Variants in OSBPL10 observed in about 807,000 individuals in gnomAD.
OSBPL10 encodes oxysterol binding protein like 10.
In OSBPL10, 49 loss-of-function variants were observed where a neutral mutation model predicts 81.7. The ratio of observed to expected loss-of-function variants is 0.60; its 90% CI spans 0.48 to 0.76. The LOEUF is 0.76. OSBPL10 is among the 30% of genes least tolerant of loss of function. The pLI is 0.00. For synonymous variants in OSBPL10, 419 were observed against 383.6 expected, an observed-to-expected ratio of 1.09 and a Z score of -1.08; for missense variants, 923 against 987.8, an observed-to-expected ratio of 0.93 and a Z score of 0.88.
intron 4 of OSBPL10, among the ~76,000 whole-genome samples, chr3:31,802,577 T>C (rs1031836838): frequency 3.6e-5 from 5 of 140,112 alleles, no homozygotes; most frequent in African/African-American, 1.3e-4. Flanking sequence ...AAAAAGAGAA[T>C]TCTCTGGATT....
chr3:31,740,539 C>A (rs1358040443), intron 5 of OSBPL10, among the ~76,000 whole-genome samples: 1 of 151,206 alleles, frequency 6.6e-6, no homozygotes, highest in African/African-American at 2.5e-5. Context: ...GCCCTGTCTT[C>A]ATCATTAAAG....
At chr3:31,711,765 TTGAC>T (rs1696260521) in intron 6 of OSBPL10, among the ~76,000 whole-genome samples, 1 of 152,108 alleles carries the variant, frequency 6.6e-6, no homozygotes, top group Non-Finnish European at 1.5e-5. Flanking sequence ...TGTTCTAAAA[TTGAC>T]TGTGGTGACA....
intron 4 of OSBPL10, among the ~76,000 whole-genome samples, chr3:31,810,996 G>A (rs193032624): frequency 1.3e-5 from 2 of 152,310 alleles, no homozygotes; most frequent in East Asian, 3.9e-4. Flanking sequence ...AAGTTTCCAG[G>A]TGTCGAGGAG....
intron 7 of OSBPL10, among the ~76,000 whole-genome samples, chr3:31,691,833 C>T (rs1012835198): frequency 6.6e-6 from 1 of 151,932 alleles, no homozygotes; most frequent in Non-Finnish European, 1.5e-5. Context: ...AGCAGAGAGG[C>T]CTCCACCACC....
chr3:31,802,563 A>AAG (rs1699410938), intron 4 of OSBPL10, among the ~76,000 whole-genome samples: 1 of 150,968 alleles, frequency 6.6e-6, no homozygotes, highest in African/African-American at 2.4e-5. Context: ...AAAAAAAAAA[A>AAG]AAAAAAAAGA....
chr3:31,980,805 GCA>G, intron 1 of OSBPL10, 92 bp downstream of exon 1: 1 of 1,348,828 alleles, frequency 7.4e-7, no homozygotes, highest in Non-Finnish European at 9.6e-7. Context: ...AATCGCGCGC[GCA>G]CACACATACA....
At chr3:31,836,729 G>C (rs889873553) in intron 3 of OSBPL10, among the ~76,000 whole-genome samples, 1 of 152,096 alleles carries the variant, frequency 6.6e-6, no homozygotes, top group African/African-American at 2.4e-5. Flanking sequence ...GATCCACCCA[G>C]AAGTGTCAAG....
intron 1 of OSBPL10, among the ~76,000 whole-genome samples, chr3:31,905,785 C>A (rs1319180744): frequency 6.6e-6 from 1 of 151,508 alleles, no homozygotes; most frequent in Non-Finnish European, 1.5e-5. Flanking sequence ...ATCCATCATA[C>A]CACTCTAGAA....
At chr3:31,994,281 G>A (rs1318861489) in intron 2 of OSBPL10, among the ~76,000 whole-genome samples, 1 of 152,154 alleles carries the variant, frequency 6.6e-6, no homozygotes, top group Non-Finnish European at 1.5e-5. Context: ...GAACGTGGGT[G>A]GAGTGATGGA....
At chr3:31,727,807 T>C (rs1696854466) in intron 6 of OSBPL10, among the ~76,000 whole-genome samples, 1 of 152,206 alleles carries the variant, frequency 6.6e-6, no homozygotes, top group Non-Finnish European at 1.5e-5. Flanking sequence ...AACATCTACC[T>C]ATACCTTTAT....
At chr3:32,054,609 G>A (rs1048366278) in intron 1 of OSBPL10, among the ~76,000 whole-genome samples, 2 of 128,338 alleles carry the variant, frequency 1.6e-5, no homozygotes, top group African/African-American at 2.9e-5. Context: ...TTGGCTCACT[G>A]CAACCTCTGC....
chr3:31,928,636 C>T lies in OSBPL10; in HGVS notation c.282-48806G>A, dbSNP rs529578128. 1.4e-3 allele frequency among the ~76,000 whole-genome samples: 209 copies of T among 151,986 alleles called. 1 individual carries two copies. Among genetic ancestry groups the T allele is most frequent in the African/African-American group, 4.9e-3 (202 of 41,446 alleles). On this transcript the variant is annotated intron_variant, in intron 1 of 11. Coordinates refer to ENST00000396556, the MANE Select transcript of OSBPL10 (RefSeq NM_017784.5). ...ACTAAAAATATAAAAATCAGCCGGG[C>T]ATGGTGGTGCATGCCTGTCTGTAGT...
chr3:31,984,744 C>G (rs149802078), upstream of OSBPL10, among the ~76,000 whole-genome samples: 361 of 152,190 alleles, frequency 2.4e-3, 3 homozygotes, highest in African/African-American at 8.5e-3. Flanking sequence ...GGTGTTCAAA[C>G]AAGGAGGGAA....
intron 2 of OSBPL10, among the ~76,000 whole-genome samples, chr3:32,045,684 T>C (rs539857409): frequency 2.6e-5 from 4 of 152,278 alleles, no homozygotes; most frequent in Admixed American, 2.6e-4. Context: ...AGAAGTAAGC[T>C]GTGGGGGAGG....
chr3:31,959,558 A>G (rs60124164), intron 1 of OSBPL10, among the ~76,000 whole-genome samples: 25,157 of 152,156 alleles, frequency 0.17, 2,474 homozygotes, highest in South Asian at 0.28. Context: ...TACATAAGCC[A>G]GAACATCAGA....
intron 1 of OSBPL10, among the ~76,000 whole-genome samples, chr3:31,947,746 T>C (rs140205686): frequency 6.6e-6 from 1 of 152,096 alleles, no homozygotes; most frequent in African/African-American, 2.4e-5. Flanking sequence ...GAAAAATAGA[T>C]AAAGAATCTG....
intron 4 of OSBPL10, among the ~76,000 whole-genome samples, chr3:31,781,705 C>T (rs140477743): frequency 4.1e-4 from 63 of 152,162 alleles, no homozygotes; most frequent in African/African-American, 1.4e-3. Flanking sequence ...CCTTTTACAA[C>T]AACTATAAAA....
At chr3:31,664,781 G>A (rs1471722029) in intron 10 of OSBPL10, among the ~76,000 whole-genome samples, 2 of 152,164 alleles carry the variant, frequency 1.3e-5, no homozygotes, top group Non-Finnish European at 2.9e-5. Context: ...ATGCATGTGT[G>A]ATGTGTGGGT....
intron 2 of OSBPL10, among the ~76,000 whole-genome samples, chr3:31,997,623 A>AT (rs953311466): frequency 3.4e-4 from 52 of 151,198 alleles, no homozygotes; most frequent in Non-Finnish European, 6.2e-4. Context: ...CAGAAGAAGG[A>AT]TTTTTTTTGT....
Sources: gnomAD v4.1 joint callset for allele counts (sites outside exome capture counted in the v4.1 genomes callset) on GRCh38, gnomAD v4.1.1 for gene constraint, MANE v1.5 for transcripts, NCBI Gene and HGNC (gene_info 2026-07-23, HGNC 2026-07-21) for gene names.